The following SLC44A1 variants were observed in gnomAD, a reference collection of about 807,000 sequenced individuals.
SLC44A1 encodes the protein solute carrier family 44 member 1.
Under a neutral mutation model 79.3 loss-of-function variants are expected in SLC44A1, and 26 were observed. The observed-to-expected ratio is 0.33, with a 90% confidence interval of 0.24 to 0.46. The LOEUF is 0.46. Ranked by LOEUF, SLC44A1 falls within the 20% of genes least tolerant of loss-of-function variation. The pLI is 1.00. For missense variants in SLC44A1, 688 were observed against 798.1 expected, an observed-to-expected ratio of 0.86 and a Z score of 1.66; for synonymous variants, 263 against 286.2, an observed-to-expected ratio of 0.92 and a Z score of 0.82.
At chr9:105,273,712 G>A (rs1236667719) in intron 1 of SLC44A1, among the ~76,000 whole-genome samples, 1 of 152,028 alleles carries the variant, frequency 6.6e-6, no homozygotes, top group African/African-American at 2.4e-5. Context: ...ACAGAGCAGT[G>A]ACAGTTCATA....
intron 15 of SLC44A1, among the ~76,000 whole-genome samples, chr9:105,416,289 C>T (rs1417415288): frequency 6.9e-6 from 1 of 144,776 alleles, no homozygotes; most frequent in South Asian, 2.2e-4. Context: ...AGACTCCAGG[C>T]AAGATAAAAA....
rs1448454120 is a variant in SLC44A1, at chr9:105,299,400, C to T, written c.126+91C>T. 9 of 762,392 alleles carry T rather than the reference C, an allele frequency of 1.2e-5. No homozygotes were observed. In the East Asian group the frequency reaches 2.4e-4, roughly 20 times the overall value. The allele number at this position is 762,392 out of a possible 1,614,324, so 47.2% of individuals were successfully genotyped here. A position where few individuals can be genotyped will look rare whatever the true frequency, so the allele number is the denominator to read the frequency against. ...TTAATGAGGGCAGTTGTGGAATATA[C>T]CAGTCCTCATACAATTCAGTGGTAT... On this transcript the variant is annotated intron_variant, in intron 2 of 15. Coordinates refer to ENST00000374720, the MANE Select transcript of SLC44A1 (RefSeq NM_080546.5).
intron 1 of SLC44A1, among the ~76,000 whole-genome samples, chr9:105,282,624 C>T (rs750220665): frequency 3.3e-5 from 5 of 152,106 alleles, no homozygotes; most frequent in Non-Finnish European, 7.4e-5. Context: ...TCTCGGCTCA[C>T]TGCAACCACC....
At chr9:105,415,009 A>T (rs879777139) in intron 15 of SLC44A1, among the ~76,000 whole-genome samples, 3 of 152,162 alleles carry the variant, frequency 2.0e-5, no homozygotes, top group Middle Eastern at 3.2e-3. Context: ...CCCATCAAAC[A>T]TAAGAAAGGA....
At chr9:105,352,884 C>G (rs1827498648) in intron 5 of SLC44A1, among the ~76,000 whole-genome samples, 1 of 151,998 alleles carries the variant, frequency 6.6e-6, no homozygotes, top group African/African-American at 2.4e-5. Flanking sequence ...GTATCAAAAC[C>G]CTGTGGCTGG....
At chr9:105,400,196 A>G (rs981763122), downstream of SLC44A1, among the ~76,000 whole-genome samples, 1 of 151,806 alleles carries the variant, frequency 6.6e-6, no homozygotes, top group East Asian at 1.9e-4. Flanking sequence ...ACTCCGTCTC[A>G]AAAGAAAAAG....
chr9:105,293,158 A>G (rs997371229), intron 1 of SLC44A1, among the ~76,000 whole-genome samples: 2 of 152,086 alleles, frequency 1.3e-5, no homozygotes, highest in Non-Finnish European at 2.9e-5. Flanking sequence ...TCCTGTCTCG[A>G]AAAAAAAGAA....
chr9:105,372,874 C>T (rs1027604158), intron 12 of SLC44A1, among the ~76,000 whole-genome samples: 15 of 146,920 alleles, frequency 1.0e-4, no homozygotes, highest in African/African-American at 2.5e-4. Context: ...GGCGTGAACC[C>T]GGGAGGCGGA....
At chr9:105,273,804 A>T (rs147647774) in intron 1 of SLC44A1, among the ~76,000 whole-genome samples, 1 of 152,032 alleles carries the variant, frequency 6.6e-6, no homozygotes, top group Admixed American at 6.6e-5. Flanking sequence ...TTCCTCAACA[A>T]TATGTGTCTG....
At chr9:105,357,587 A>G (rs899859732) in intron 6 of SLC44A1, among the ~76,000 whole-genome samples, 10 of 152,198 alleles carry the variant, frequency 6.6e-5, no homozygotes, top group African/African-American at 2.4e-4. Context: ...CGTATTTCCC[A>G]TGCAAGGGTT....
At chr9:105,362,296 T>C (rs73512072) in intron 8 of SLC44A1, among the ~76,000 whole-genome samples, 2,322 of 152,278 alleles carry the variant, frequency 0.015, 57 homozygotes, top group African/African-American at 0.054. Flanking sequence ...CCAAAAGATA[T>C]TTGTTAGTTA....
chr9:105,395,005 G>C lies in SLC44A1; in HGVS notation c.*5949G>C, dbSNP rs1374860658. ...GCTGCATCTACATGGAAGGCTCCCT[G>C]GGCCCTTGAAAAAGCAGGCAGAAAC... On this transcript the variant is annotated 3_prime_UTR_variant, in exon 16 of 16. Coordinates refer to ENST00000374720, the MANE Select transcript of SLC44A1 (RefSeq NM_080546.5). 3.5e-5 allele frequency: 34 copies of C among 985,286 alleles called. No homozygotes were observed. Among genetic ancestry groups the C allele is most frequent in the Non-Finnish European group, 4.1e-5 (34 of 829,968 alleles). 61.0% of individuals were successfully genotyped at this position (985,286 alleles called of 1,614,324 possible). A position where few individuals can be genotyped will look rare whatever the true frequency, so the allele number is the denominator to read the frequency against.
Position 105,390,451 on chromosome 9 carries a change from A to AT in SLC44A1, c.*1395_*1396insT. 1.0e-6 allele frequency: 1 copy of AT among 972,490 alleles called. No homozygotes were observed. Among genetic ancestry groups the AT allele is most frequent in the Non-Finnish European group, 1.2e-6 (1 of 821,116 alleles). 60.2% of individuals were successfully genotyped at this position (972,490 alleles called of 1,614,324 possible). A position where few individuals can be genotyped will look rare whatever the true frequency, so the allele number is the denominator to read the frequency against. On this transcript the variant is annotated 3_prime_UTR_variant, in exon 16 of 16. Transcript: ENST00000374720. Reference sequence around the variant, plus strand: ...TGTACAAAAAAAAAAAAAAAAAAAAAGCCTCAGCATTTTATCATTCCATGG... The same window carrying AT: ...TGTACAAAAAAAAAAAAAAAAAAAAATGCCTCAGCATTTTATCATTCCATGG...
At chr9:105,336,910 C>T (rs1050485206) in intron 4 of SLC44A1, among the ~76,000 whole-genome samples, 2 of 152,120 alleles carry the variant, frequency 1.3e-5, no homozygotes, top group Non-Finnish European at 2.9e-5. Context: ...TTCTCTGAGC[C>T]TAGGTTTCCT....
At chr9:105,312,390 G>A (rs1223975010) in intron 3 of SLC44A1, among the ~76,000 whole-genome samples, 1 of 152,000 alleles carries the variant, frequency 6.6e-6, no homozygotes, top group Non-Finnish European at 1.5e-5. Flanking sequence ...TTGATTATTT[G>A]TTAAATGTGT....
At chr9:105,402,486 A>G (rs1005301330) in intron 15 of SLC44A1, among the ~76,000 whole-genome samples, 5 of 152,212 alleles carry the variant, frequency 3.3e-5, no homozygotes, top group Non-Finnish European at 5.9e-5. Flanking sequence ...ACTTCATTGA[A>G]TATTGGAAAT....
At chr9:105,404,289 T>C (rs1223243031) in intron 15 of SLC44A1, among the ~76,000 whole-genome samples, 3 of 132,256 alleles carry the variant, frequency 2.3e-5, no homozygotes, top group East Asian at 2.1e-4. Flanking sequence ...TAAAAGCTAA[T>C]GGAGGGATAG....
At chr9:105,264,717 C>G (rs1007776003) in intron 1 of SLC44A1, among the ~76,000 whole-genome samples, 22 of 152,184 alleles carry the variant, frequency 1.4e-4, no homozygotes, top group Admixed American at 3.3e-4. Context: ...TCCCATACCT[C>G]CAAACTGGGC....
At chr9:105,424,033 G>A (rs1292238453) in intron 15 of SLC44A1, among the ~76,000 whole-genome samples, 1 of 152,014 alleles carries the variant, frequency 6.6e-6, no homozygotes, top group Non-Finnish European at 1.5e-5. Flanking sequence ...AATAATATAG[G>A]GCTGCATACA....
Sources: allele counts gnomAD v4.1 joint callset (sites outside exome capture counted in the v4.1 genomes callset), GRCh38; gene constraint gnomAD v4.1.1; transcripts MANE v1.5; gene names NCBI Gene and HGNC (gene_info 2026-07-23, HGNC 2026-07-21).